Variants in DCAF6 observed in about 807,000 individuals in gnomAD.
The protein encoded by DCAF6 is DDB1 and CUL4 associated factor 6.
DCAF6 carries 54 observed loss-of-function variants against 125.1 expected under a neutral mutation model. The observed-to-expected ratio is 0.43, with a 90% CI of 0.35 to 0.54. The LOEUF is 0.54. Among genes scored for constraint, DCAF6 ranks in the 20% least tolerant of loss-of-function variants. The pLI, the probability that DCAF6 is intolerant of heterozygous loss-of-function variation, is 0.01. For synonymous variants in DCAF6, 371 were observed against 390.4 expected, an observed-to-expected ratio of 0.95 and a Z score of 0.58; for missense variants, 934 against 1,161.7, an observed-to-expected ratio of 0.80 and a Z score of 2.85.
chr1:167,993,421 C>G lies in DCAF6; in HGVS notation c.884C>G (p.Ala295Gly), dbSNP rs142328126. The G allele has an allele frequency of 1.2e-6, 2 of 1,613,628 alleles. No homozygotes were observed. Among genetic ancestry groups the G allele is most frequent in the African/African-American group, 1.3e-5 (1 of 74,994 alleles). ...GCACGAGAACTTAAAACTCCTTCTG[C>G]GGAAGAGAGAAGAGAAGAGGTAGGT... ...DTARELKTPS[A>G]EERREELRQP... Residue 295 changes from alanine (A) to glycine (G), a missense_variant, in exon 7 of 22, where the codon GCG becomes GGG. By Grantham distance (60) the Ala-to-Gly change is moderately conservative. Around this residue, in one of 5 missense-constraint regions of DCAF6, gnomAD observed 309 missense variants for 381.2 expected, o/e 0.81. Transcript: ENST00000367840.
At chr1:168,031,442 A>AT (rs1459703224) in intron 12 of DCAF6, among the ~76,000 whole-genome samples, 2 of 152,162 alleles carry the variant, frequency 1.3e-5, no homozygotes, top group African/African-American at 4.8e-5. Context: ...TGTGGGAGTG[A>AT]TTGAGCCCAT....
intron 1 of DCAF6, among the ~76,000 whole-genome samples, chr1:167,937,928 T>G (rs1040722823): frequency 3.9e-5 from 6 of 152,218 alleles, no homozygotes; most frequent in Admixed American, 2.0e-4. Context: ...TTTTGCCACT[T>G]GCTAGTTAAA....
intron 3 of DCAF6, among the ~76,000 whole-genome samples, chr1:167,974,132 TC>T (rs1677778726): frequency 1.3e-5 from 2 of 152,124 alleles, no homozygotes; most frequent in Admixed American, 1.3e-4. Flanking sequence ...TTATGAATGA[TC>T]CAAGTTGAGT....
chr1:167,974,777 A>G lies in DCAF6; in HGVS notation c.253-53A>G, dbSNP rs533857755. 12 of 1,338,254 alleles carry G rather than the reference A, an allele frequency of 9.0e-6. No homozygotes were observed. The East Asian group carries it at 1.0e-4, about 11-fold the overall frequency. 82.9% of individuals were successfully genotyped at this position (1,338,254 alleles called of 1,614,324 possible). A position where few individuals can be genotyped will look rare whatever the true frequency, so the allele number is the denominator to read the frequency against. Reference sequence around the variant, plus strand: ...CTGGCTATGATTATATTAAAAATGAATATTTCTAGGAAATAATAAGTTACC... The same window carrying G: ...CTGGCTATGATTATATTAAAAATGAGTATTTCTAGGAAATAATAAGTTACC... On this transcript the variant is annotated intron_variant, in intron 3 of 21. Transcript: ENST00000367840.
the DCAF6 span, among the ~76,000 whole-genome samples, chr1:167,919,541 T>C: frequency 3.9e-5 from 6 of 152,236 alleles, no homozygotes; most frequent in Admixed American, 1.3e-4. Context: ...TCACTCTACG[T>C]ATCATTTCCA....
chr1:167,914,857 T>C, the DCAF6 span, among the ~76,000 whole-genome samples: 2 of 152,218 alleles, frequency 1.3e-5, no homozygotes, highest in Admixed American at 6.5e-5. Flanking sequence ...TCTGTAATTG[T>C]TTACTGTGTA....
chr1:168,041,663 G>A (rs931372025), intron 13 of DCAF6, among the ~76,000 whole-genome samples: 5 of 151,498 alleles, frequency 3.3e-5, no homozygotes, highest in Non-Finnish European at 5.9e-5. Context: ...CCATATTAAC[G>A]TATGTTAAAT....
intron 11 of DCAF6, among the ~76,000 whole-genome samples, chr1:168,021,987 A>T (rs991275028): frequency 6.6e-6 from 1 of 151,960 alleles, no homozygotes; most frequent in Non-Finnish European, 1.5e-5. Flanking sequence ...GGTTGGGGAG[A>T]GTTGCGCTTA....
upstream of DCAF6, chr1:167,935,800 G>A: frequency 6.4e-7 from 1 of 1,558,610 alleles, no homozygotes; most frequent in Non-Finnish European, 8.7e-7. Flanking sequence ...CGAGGAGCCG[G>A]TGGTAGGTGG....
At chr1:168,009,345 C>CCCTTCCTTCCTTCCTTCCTTCCTTCCTT (rs199573600) in intron 10 of DCAF6, among the ~76,000 whole-genome samples, 1 of 127,818 alleles carries the variant, frequency 7.8e-6, no homozygotes, top group African/African-American at 3.1e-5. Flanking sequence ...CTTCCTTCCT[C>CCCTTCCTTCCTTCCTTCCTTCCTTCCTT]CCTTCCTTCC....
At chr1:168,028,005 C>A (rs1162762122) in intron 12 of DCAF6, among the ~76,000 whole-genome samples, 2 of 151,850 alleles carry the variant, frequency 1.3e-5, no homozygotes, top group African/African-American at 4.8e-5. Flanking sequence ...CAGTGTTCTC[C>A]AAATTTGGAG....
the DCAF6 span, chr1:167,917,297 C>T: frequency 6.6e-6 from 1 of 152,168 alleles, no homozygotes; most frequent in Non-Finnish European, 1.5e-5. Context: ...ACTTTCCTAA[C>T]TTGTCTAAAG....
At chr1:167,938,084 A>G (rs944307419) in intron 1 of DCAF6, among the ~76,000 whole-genome samples, 1 of 152,244 alleles carries the variant, frequency 6.6e-6, no homozygotes, top group African/African-American at 2.4e-5. Flanking sequence ...CAAGTAAAAT[A>G]CGAATACATT....
At chr1:167,971,457 C>T (rs757595710) in intron 3 of DCAF6, among the ~76,000 whole-genome samples, 2 of 152,050 alleles carry the variant, frequency 1.3e-5, no homozygotes, top group Non-Finnish European at 2.9e-5. Context: ...TATTCGATAC[C>T]TCAGACAGGG....
chr1:167,987,276 C>A (rs1680142336), intron 4 of DCAF6, among the ~76,000 whole-genome samples: 1 of 152,114 alleles, frequency 6.6e-6, no homozygotes. Flanking sequence ...TAATGCTAAT[C>A]TTCAAAGTAC....
At position 167,937,031 on chromosome 1, in the gene DCAF6, A is replaced by T. The variant is rs557183345; in HGVS notation, c.97+23A>T. ...TGGGTGAGCGGGGGCCCCGGGGCGG[A>T]GGCGCTGAGGTCGCCGCCTAGAGTG... On this transcript the variant is annotated intron_variant, in intron 1 of 21. Coordinates refer to ENST00000367840, the MANE Select transcript of DCAF6 (RefSeq NM_001198956.2). 602 of 1,586,666 alleles carry T rather than the reference A, an allele frequency of 3.8e-4. 7 individuals carry two copies. In the South Asian group the frequency reaches 6.5e-3, roughly 17 times the overall value.
At chr1:167,943,925 G>A (rs1224599991) in intron 1 of DCAF6, among the ~76,000 whole-genome samples, 2 of 148,110 alleles carry the variant, frequency 1.4e-5, no homozygotes, top group Admixed American at 6.7e-5. Context: ...TGCAAGTTCC[G>A]CCTCCGAGGT....
chr1:167,924,443 A>G, the DCAF6 span: 1 of 1,462,406 alleles, frequency 6.8e-7, no homozygotes, highest in Non-Finnish European at 9.4e-7. Flanking sequence ...AAATTAGTAA[A>G]TTCCTATTAA....
chr1:167,964,354 G>A (rs564795825), intron 2 of DCAF6, among the ~76,000 whole-genome samples: 46 of 152,200 alleles, frequency 3.0e-4, no homozygotes, highest in African/African-American at 1.0e-3. Flanking sequence ...TTTTGTTTCC[G>A]TTACTGCTTT....
Sources: allele counts gnomAD v4.1 joint callset (sites outside exome capture counted in the v4.1 genomes callset), GRCh38; gene constraint gnomAD v4.1.1; regional missense constraint gnomAD v4.1.1; transcripts MANE v1.5; gene names NCBI Gene and HGNC (gene_info 2026-07-23, HGNC 2026-07-21).